The following GALNT6 variants were observed in gnomAD, a reference collection of about 807,000 sequenced individuals.
GALNT6 encodes the protein polypeptide N-acetylgalactosaminyltransferase 6.
A neutral mutation model predicts 65.9 loss-of-function variants in GALNT6; 51 were observed. The observed-to-expected ratio is 0.77, with a 90% confidence interval of 0.62 to 0.98. The LOEUF (loss-of-function observed/expected upper bound fraction) is 0.98. Ranked by LOEUF, GALNT6 falls within the 50% of genes least tolerant of loss-of-function variation. The probability of loss-of-function intolerance (pLI) is 0.00; values close to 1 mark genes in which losing one functional copy is unlikely to be tolerated. For missense variants in GALNT6, 708 were observed against 803.3 expected (o/e 0.88, Z 1.43); for synonymous variants, 323 against 315.1 (o/e 1.02, Z -0.26).
rs12581479 is a variant in GALNT6 at position 51,359,548 on chromosome 12, A to C, written c.1168-216T>G. On this transcript the variant is annotated intron_variant, in intron 7 of 11. Transcript: ENST00000356317. ...TTCTGATGTTGGTTCACTCTGACTT[A>C]AGCACAGGGAGACTGCAGGGTCCTG... 7.1e-3 allele frequency: 3,259 copies of C among 457,116 alleles called. 90 individuals carry two copies. The highest frequency in any genetic ancestry group is 0.069 in the East Asian group (2,105 of 30,318). The allele number at this position is 457,116 out of a possible 1,614,324, so 28.3% of individuals were successfully genotyped here.
Position 51,355,938 on chromosome 12 carries a change from CTG to C in GALNT6, c.1621_1622del (p.Gln541GlufsTer32). On this transcript the variant is annotated frameshift_variant, in exon 11 of 12. Transcript: ENST00000356317. LOFTEE classifies it high-confidence loss of function. ...GGNQYFEYTT[Q>X]RDLRHNIAKQ... ...TTGCGATGTTGTGGCGAAGGTCCCT[CTG>C]AGTTGTGTACTCAAAGTACTGGAAA... 3 of 1,613,330 alleles carry C rather than the reference CTG, an allele frequency of 1.9e-6. No homozygotes were observed. Among genetic ancestry groups the C allele is most frequent in the Non-Finnish European group, 1.7e-6 (2 of 1,179,490 alleles).
At chr12:51,360,683 G>T in intron 7 of GALNT6, 38 bp downstream of exon 7, 2 of 1,167,978 alleles carry the variant, frequency 1.7e-6, no homozygotes, top group Non-Finnish European at 2.6e-6. Context: ...TGTCGCCTGG[G>T]ATGTTGTGGT....
At chr12:51,389,899 C>T (rs1468613213) in intron 2 of GALNT6, among the ~76,000 whole-genome samples, 2 of 152,176 alleles carry the variant, frequency 1.3e-5, no homozygotes, top group Admixed American at 6.5e-5. Context: ...GCTGTTCCAC[C>T]CACTGTAGGA....
rs1399453401 is a variant in GALNT6, at chr12:51,355,856, T to C, written c.1705A>G (p.Thr569Ala). 1 of 1,613,812 alleles carries C rather than the reference T, an allele frequency of 6.2e-7. No individual in the cohort carries two copies. The highest frequency in any genetic ancestry group is 8.5e-7 in the Non-Finnish European group (1 of 1,179,850). ...TTGGGGACCTGGCTATTCTTGCCAG[T>C]GAAGTGACAGCTCCCAAGGCCCAGA... ...GALGLGSCHF[T>A]GKNSQVPKDE... The change falls in exon 11 of 12, where the codon ACT becomes GCT. Residue 569 changes from threonine (T) to alanine (A), a missense_variant. Coordinates refer to ENST00000356317, the MANE Select transcript of GALNT6 (RefSeq NM_007210.4).
rs1946667904 is a variant in GALNT6, at chr12:51,353,632, A to C, written c.*747T>G. 6.6e-6 allele frequency: 1 copy of C among 152,446 alleles called. No homozygotes were observed. Among genetic ancestry groups the C allele is most frequent in the African/African-American group, 2.4e-5 (1 of 41,460 alleles). 9.4% of individuals were successfully genotyped at this position (152,446 alleles called of 1,614,324 possible). On this transcript the variant is annotated 3_prime_UTR_variant, in exon 12 of 12. Transcript: ENST00000356317. ...TGATCCACCTGCCTTGGCCTCCCAA[A>C]GTGCTAGGATTACAGGTGTGAGCCA...
At chr12:51,364,483 C>T (rs1947030962) in intron 5 of GALNT6, 128 bp from the exon 6 acceptor site, 1 of 657,118 alleles carries the variant, frequency 1.5e-6, no homozygotes, top group Admixed American at 2.7e-5. Flanking sequence ...GCAGCAAGCC[C>T]CACAGCTACA....
In GALNT6 at chr12:51,365,508, G is replaced by C; in HGVS notation, c.736C>G (p.Arg246Gly). The change falls in exon 5 of 12, where the codon CGG becomes GGG. Residue 246 changes from arginine to glycine, a missense_variant. Arg to Gly is a moderately radical substitution (Grantham distance 125). Transcript: ENST00000356317. Reference protein sequence around the residue: ...QVVRVVRQEERKGLITARLLG... With the variant: ...QVVRVVRQEEGKGLITARLLG... The stretch of plus-strand genomic sequence containing the variant: ...AGCCGGGCGGTGATCAGCCCCTTCC[G>C]CTCCTCCTGCCGCACCACCCTCACC... 1 of 1,612,600 alleles carries C rather than the reference G, an allele frequency of 6.2e-7. No homozygotes were observed. Among genetic ancestry groups the C allele is most frequent in the Non-Finnish European group, 8.5e-7 (1 of 1,179,960 alleles).
At chr12:51,370,397 A>T (rs1947256872) in intron 4 of GALNT6, among the ~76,000 whole-genome samples, 1 of 152,204 alleles carries the variant, frequency 6.6e-6, no homozygotes, top group African/African-American at 2.4e-5. Context: ...ATTCAGAATT[A>T]GCCAGCACGT....
rs532422056 is a variant in GALNT6 at position 51,368,667 on chromosome 12, A to G, written c.665-3088T>C. ...GTGATCTGCCCGCCTCGGCCTCCCAAAGAGTTGGAATTACAGGCGTGAGCC... is the reference window on the plus strand; with the variant it reads ...GTGATCTGCCCGCCTCGGCCTCCCAGAGAGTTGGAATTACAGGCGTGAGCC... On this transcript the variant is annotated intron_variant, in intron 4 of 11. Transcript: ENST00000356317. 2.0e-4 allele frequency among the ~76,000 whole-genome samples: 30 copies of G among 152,156 alleles called. No individual in the cohort carries two copies. The South Asian group carries it at 6.0e-3, about 31-fold the overall frequency.
chr12:51,381,159 G>C (rs1947657888), intron 2 of GALNT6, among the ~76,000 whole-genome samples: 1 of 152,176 alleles, frequency 6.6e-6, no homozygotes, highest in South Asian at 2.1e-4. Context: ...AGGACTGCTG[G>C]AGCCCAGGAG....
At chr12:51,386,090 A>T (rs1947830488) in intron 2 of GALNT6, among the ~76,000 whole-genome samples, 1 of 152,254 alleles carries the variant, frequency 6.6e-6, no homozygotes, top group East Asian at 1.9e-4. Flanking sequence ...GAATGAACTT[A>T]CTGCAAGAAA....
intron 2 of GALNT6, among the ~76,000 whole-genome samples, chr12:51,388,334 T>C (rs1947904041): frequency 6.6e-6 from 1 of 152,240 alleles, no homozygotes; most frequent in African/African-American, 2.4e-5. Flanking sequence ...TCATATTCCT[T>C]GAGCACTGTT....
intron 3 of GALNT6, 45 bp from the exon 4 acceptor site, chr12:51,377,412 G>A (rs778078394): frequency 1.8e-5 from 28 of 1,575,464 alleles, no homozygotes; most frequent in Non-Finnish European, 2.3e-5. Context: ...GTCCCTGGGA[G>A]TACCAGGTGT....
chr12:51,361,129 T>C (rs1325740863), intron 6 of GALNT6, among the ~76,000 whole-genome samples: 1 of 152,176 alleles, frequency 6.6e-6, no homozygotes, highest in Non-Finnish European at 1.5e-5. Context: ...TGCTACATGA[T>C]GGACACACAG....
chr12:51,356,583 C>T (rs1462680937), intron 10 of GALNT6, among the ~76,000 whole-genome samples: 2 of 151,796 alleles, frequency 1.3e-5, no homozygotes, highest in Admixed American at 6.6e-5. Context: ...AGACAGGTCT[C>T]AAACTCCTAG....
intron 4 of GALNT6, among the ~76,000 whole-genome samples, chr12:51,369,417 G>A (rs909526534): frequency 5.3e-5 from 8 of 152,122 alleles, no homozygotes; most frequent in African/African-American, 1.4e-4. Flanking sequence ...CTGGAGCTGA[G>A]CATAGCTGTA....
intron 8 of GALNT6, among the ~76,000 whole-genome samples, chr12:51,358,493 G>T (rs1946819952): frequency 6.6e-6 from 1 of 151,816 alleles, no homozygotes; most frequent in South Asian, 2.1e-4. Context: ...TAGAGATGAG[G>T]TTTCACCATG....
Position 51,360,719 on chromosome 12 carries a change from A to T in GALNT6, c.1167+2T>A, listed in dbSNP as rs1360442704. The T allele has an allele frequency of 3.8e-6, 6 of 1,559,386 alleles. No homozygotes were observed. In the Admixed American group the frequency reaches 5.0e-5, roughly 13 times the overall value. ...TCCCCCCAAAGCCCTCTTCACTCTC[A>T]CCCGGAAGGACATTTCCACGTTCTC... On this transcript the variant is annotated splice_donor_variant, in intron 7 of 11. Coordinates refer to ENST00000356317, the MANE Select transcript of GALNT6 (RefSeq NM_007210.4). LOFTEE classifies it high-confidence loss of function.
intron 4 of GALNT6, among the ~76,000 whole-genome samples, chr12:51,373,767 C>T (rs1947364488): frequency 6.6e-6 from 1 of 152,244 alleles, no homozygotes; most frequent in Admixed American, 6.5e-5. Context: ...CTCTGCCAAA[C>T]TCTTCACCCT....
Sources: gnomAD v4.1 joint callset for allele counts (sites outside exome capture counted in the v4.1 genomes callset) on GRCh38, gnomAD v4.1.1 for gene constraint, MANE v1.5 for transcripts, NCBI Gene and HGNC (gene_info 2026-07-23, HGNC 2026-07-21) for gene names.